Variants in KCMF1 observed in about 807,000 individuals in gnomAD.
KCMF1 encodes the protein potassium channel modulatory factor 1.
In KCMF1, 3 loss-of-function variants were observed where a neutral mutation model predicts 41.1. The observed-to-expected ratio is 0.07, with a 90% CI of 0.03 to 0.19. The LOEUF is 0.19. Ranked by LOEUF, KCMF1 falls within the 10% of genes least tolerant of loss-of-function variation. The pLI is 1.00. For synonymous variants in KCMF1, 142 were observed against 164.5 expected, an observed-to-expected ratio of 0.86 and a Z score of 1.04; for missense variants, 286 against 488.9, an observed-to-expected ratio of 0.58 and a Z score of 3.91.
chr2:85,047,579 T>C (rs974361440), intron 5 of KCMF1, among the ~76,000 whole-genome samples: 12 of 147,722 alleles, frequency 8.1e-5, no homozygotes, highest in African/African-American at 2.8e-4. Context: ...ACATGTTTAA[T>C]AGCTTGGGAA....
intron 2 of KCMF1, among the ~76,000 whole-genome samples, chr2:85,033,468 G>A (rs1675330711): frequency 6.6e-6 from 1 of 152,200 alleles, no homozygotes; most frequent in Non-Finnish European, 1.5e-5. Flanking sequence ...GGCCAAGATT[G>A]TTCAGCTTCA....
chr2:85,045,338 A>G (rs1314125894), intron 4 of KCMF1, among the ~76,000 whole-genome samples: 4 of 152,142 alleles, frequency 2.6e-5, no homozygotes, highest in Non-Finnish European at 5.9e-5. Flanking sequence ...ATCCTCATGA[A>G]TATGATGGAA....
chr2:85,033,068 G>A (rs1318599163), intron 2 of KCMF1, among the ~76,000 whole-genome samples: 1 of 152,142 alleles, frequency 6.6e-6, no homozygotes, highest in Non-Finnish European at 1.5e-5. Flanking sequence ...TTTATCAGAT[G>A]AGGAAGTTCT....
At chr2:85,008,321 C>CATATATGATATATAATATGATATATA (rs1674542382) in intron 1 of KCMF1, among the ~76,000 whole-genome samples, 2 of 43,950 alleles carry the variant, frequency 4.6e-5, no homozygotes, top group African/African-American at 9.9e-5. Context: ...ATATATATAT[C>CATATATGATATATAATATGATATATA]ATATATAATA....
At chr2:84,985,296 G>A (rs113496399) in intron 1 of KCMF1, among the ~76,000 whole-genome samples, 2,668 of 152,162 alleles carry the variant, frequency 0.018, 63 homozygotes, top group African/African-American at 0.061. Flanking sequence ...AACACATTTC[G>A]GAAGCCCTGC....
chr2:85,035,747 A>AT (rs1323361134), intron 3 of KCMF1, among the ~76,000 whole-genome samples: 1 of 152,068 alleles, frequency 6.6e-6, no homozygotes, highest in Non-Finnish European at 1.5e-5. Context: ...AGCTTGTTGG[A>AT]TTTTTTACTT....
At chr2:84,985,930 G>GT (rs1673891338) in intron 1 of KCMF1, among the ~76,000 whole-genome samples, 2 of 152,064 alleles carry the variant, frequency 1.3e-5, no homozygotes, top group African/African-American at 2.4e-5. Flanking sequence ...TTTATATTCT[G>GT]ATGCAGTAGT....
intron 1 of KCMF1, among the ~76,000 whole-genome samples, chr2:84,972,795 C>A (rs1673433525): frequency 6.6e-6 from 1 of 152,168 alleles, no homozygotes; most frequent in African/African-American, 2.4e-5. Flanking sequence ...CTGTGTTCAA[C>A]GATTCTGTAT....
At chr2:85,027,366 C>CTTTTTTTT (rs934531367) in intron 1 of KCMF1, among the ~76,000 whole-genome samples, 1 of 65,742 alleles carries the variant, frequency 1.5e-5, no homozygotes, top group Non-Finnish European at 2.9e-5. Context: ...CTTATCAAGG[C>CTTTTTTTT]TTTTTTTTTT....
chr2:85,024,404 C>T (rs1675033161), intron 1 of KCMF1, among the ~76,000 whole-genome samples: 2 of 152,254 alleles, frequency 1.3e-5, no homozygotes, highest in East Asian at 1.9e-4. Context: ...ACCCAGGAGG[C>T]GGAGGTTGCA....
intron 1 of KCMF1, among the ~76,000 whole-genome samples, chr2:84,980,155 G>T (rs1574003246): frequency 6.6e-6 from 1 of 152,126 alleles, no homozygotes; most frequent in African/African-American, 2.4e-5. Flanking sequence ...TGTTAGCCAT[G>T]TCTTGATTTA....
intron 1 of KCMF1, among the ~76,000 whole-genome samples, chr2:84,971,800 C>T (rs574363366): frequency 1.1e-3 from 160 of 151,418 alleles, no homozygotes; most frequent in African/African-American, 3.4e-3. Flanking sequence ...GACGCCAAGG[C>T]CCGCCCGGCC....
At chr2:85,018,862 T>G (rs897106456) in intron 1 of KCMF1, among the ~76,000 whole-genome samples, 2 of 137,448 alleles carry the variant, frequency 1.5e-5, no homozygotes, top group Non-Finnish European at 3.0e-5. Context: ...TGGAGTGCAG[T>G]GGCGTGATCT....
chr2:85,012,408 C>T lies in KCMF1; in HGVS notation c.17-15481C>T, dbSNP rs138122280. Among the ~76,000 whole-genome samples the T allele has an allele frequency of 2.7e-4, 41 of 152,318 alleles. No individual in the cohort carries two copies. The East Asian group carries it at 6.7e-3, about 25-fold the overall frequency. On this transcript the variant is annotated intron_variant, in intron 1 of 6. Transcript: ENST00000409785. ...AACTTTTAAATTTTGTATAATTATA[C>T]TGTATTTGTATACCTTGGTTTGAGA...
At chr2:85,029,876 G>A (rs1675222126) in intron 2 of KCMF1, among the ~76,000 whole-genome samples, 1 of 151,514 alleles carries the variant, frequency 6.6e-6, no homozygotes, top group Middle Eastern at 3.4e-3. Context: ...ATAGAGACAG[G>A]GTTTCACCAT....
At chr2:85,026,459 T>TTA (rs775553843) in intron 1 of KCMF1, among the ~76,000 whole-genome samples, 2 of 139,356 alleles carry the variant, frequency 1.4e-5, no homozygotes, top group African/African-American at 5.5e-5. Flanking sequence ...CTTTCTTTCC[T>TTA]TTATTATTAT....
At chr2:85,000,300 T>G (rs1674296484) in intron 1 of KCMF1, among the ~76,000 whole-genome samples, 2 of 152,026 alleles carry the variant, frequency 1.3e-5, no homozygotes, top group Admixed American at 6.5e-5. Context: ...TAATTTCGTG[T>G]TTTTAGTAGA....
intron 1 of KCMF1, among the ~76,000 whole-genome samples, chr2:84,988,064 AAAAT>A (rs1437078158): frequency 6.6e-6 from 1 of 152,104 alleles, no homozygotes; most frequent in Non-Finnish European, 1.5e-5. Flanking sequence ...CTACTAAAAA[AAAAT>A]AAATAAATAC....
At chr2:84,977,534 C>G (rs1353982864) in intron 1 of KCMF1, among the ~76,000 whole-genome samples, 3 of 152,050 alleles carry the variant, frequency 2.0e-5, no homozygotes, top group African/African-American at 7.2e-5. Context: ...AATCCTCCCA[C>G]TTCAGCCTCC....
Sources: gnomAD v4.1 joint callset for allele counts (sites outside exome capture counted in the v4.1 genomes callset) on GRCh38, gnomAD v4.1.1 for gene constraint, MANE v1.5 for transcripts, NCBI Gene and HGNC (gene_info 2026-07-23, HGNC 2026-07-21) for gene names.